The following ADAMTS20 variants were observed in gnomAD, a reference collection of about 807,000 sequenced individuals.
ADAMTS20 encodes the protein ADAM metallopeptidase with thrombospondin type 1 motif 20.
A neutral mutation model predicts 260.1 loss-of-function variants in ADAMTS20; 225 were observed. That is an observed-to-expected ratio of 0.87 (90% CI 0.78 to 0.97). ADAMTS20 has a LOEUF of 0.97. Among genes scored for constraint, ADAMTS20 ranks in the 50% least tolerant of loss-of-function variants. The pLI, the probability that ADAMTS20 is intolerant of heterozygous loss-of-function variation, is 0.00. For missense variants in ADAMTS20, 2,400 were observed against 2,337.7 expected (o/e 1.03, Z -0.55); for synonymous variants, 802 against 769.5 (o/e 1.04, Z -0.70).
Position 43,441,735 on chromosome 12 carries a change from T to C in ADAMTS20, c.2291-1666A>G, listed in dbSNP as rs7967761. The stretch of plus-strand genomic sequence containing the variant: ...GCTTAAGTTATACTTTTCAATGGAA[T>C]AATAACCTTTCCAGAAAACATTTGT... On this transcript the variant is annotated intron_variant, in intron 16 of 38. Transcript: ENST00000389420. Among the ~76,000 whole-genome samples the C allele has an allele frequency of 5.5e-3, 845 of 152,312 alleles. 6 individuals carry two copies. Among genetic ancestry groups the C allele is most frequent in the African/African-American group, 0.019 (797 of 41,564 alleles).
intron 28 of ADAMTS20, chr12:43,422,948 A>C (rs1380053091): frequency 6.6e-6 from 1 of 152,108 alleles, no homozygotes; most frequent in Non-Finnish European, 1.5e-5. Context: ...CATTTACATA[A>C]ACATTGCATG....
intron 3 of ADAMTS20, among the ~76,000 whole-genome samples, chr12:43,516,836 G>C (rs1339432818): frequency 6.6e-6 from 1 of 151,760 alleles, no homozygotes; most frequent in Non-Finnish European, 1.5e-5. Flanking sequence ...CTTGAACATA[G>C]ATGCAAAAAT....
intron 28 of ADAMTS20, among the ~76,000 whole-genome samples, chr12:43,408,379 C>A (rs757856751): frequency 1.3e-5 from 2 of 152,130 alleles, no homozygotes; most frequent in Non-Finnish European, 2.9e-5. Context: ...AAAATATTGT[C>A]TTTTAAGGCA....
Position 43,490,423 on chromosome 12 carries a change from A to G in ADAMTS20, c.1089T>C (p.Cys363=). The G allele has an allele frequency of 6.1e-6, 8 of 1,302,662 alleles. No homozygotes were observed. The highest frequency in any genetic ancestry group is 8.3e-6 in the Non-Finnish European group (8 of 965,634). The allele number at this position is 1,302,662 out of a possible 1,614,324, so 80.7% of individuals were successfully genotyped here. ...ACATGTTACATTTCTCTTTAGATGA[A>G]CAAATGTCTTCCCTTAAAATAAAAG... ...TAVLITREDI[C]SSKEKCNMLG... is the part of the protein sequence containing the mutation. The change falls in exon 7 of 39, where the codon TGT becomes TGC. Residue 363 remains cysteine (C), a synonymous_variant. Transcript: ENST00000389420.
chr12:43,401,414 C>T (rs1436259188), intron 28 of ADAMTS20, among the ~76,000 whole-genome samples: 2 of 151,868 alleles, frequency 1.3e-5, no homozygotes, highest in East Asian at 3.9e-4. Flanking sequence ...AGCTATGTAA[C>T]ATAAGAGGAG....
chr12:43,364,977 G>T (rs1414334471), intron 37 of ADAMTS20, among the ~76,000 whole-genome samples: 3 of 151,940 alleles, frequency 2.0e-5, no homozygotes. Flanking sequence ...TAAAGACATT[G>T]AAAGACAAAT....
intron 18 of ADAMTS20, among the ~76,000 whole-genome samples, chr12:43,435,212 C>T: frequency 6.6e-6 from 1 of 152,120 alleles, no homozygotes; most frequent in East Asian, 1.9e-4. Flanking sequence ...TCATCAATTG[C>T]ACAAATGTGC....
At chr12:43,493,492 CT>C (rs769098755) in intron 4 of ADAMTS20, among the ~76,000 whole-genome samples, 2 of 152,124 alleles carry the variant, frequency 1.3e-5, no homozygotes, top group Non-Finnish European at 2.9e-5. Context: ...TATCTTAAAC[CT>C]TGCTACTGAG....
At chr12:43,419,527 C>G (rs565375760) in intron 28 of ADAMTS20, among the ~76,000 whole-genome samples, 1 of 152,216 alleles carries the variant, frequency 6.6e-6, no homozygotes, top group East Asian at 1.9e-4. Flanking sequence ...TTGTAGAACA[C>G]TGACAACAAT....
intron 2 of ADAMTS20, among the ~76,000 whole-genome samples, chr12:43,535,321 C>CAGTTT (rs1379728553): frequency 1.3e-5 from 2 of 152,020 alleles, no homozygotes; most frequent in East Asian, 3.9e-4. Context: ...TTTGCAAGCT[C>CAGTTT]AGTTTATGTT....
chr12:43,450,862 A>T (rs1941852476), intron 14 of ADAMTS20, among the ~76,000 whole-genome samples: 1 of 152,186 alleles, frequency 6.6e-6, no homozygotes, highest in Non-Finnish European at 1.5e-5. Flanking sequence ...TCACATAGTT[A>T]TCATTTTTGT....
chr12:43,393,843 A>C (rs1400195257), intron 29 of ADAMTS20, among the ~76,000 whole-genome samples: 1 of 152,082 alleles, frequency 6.6e-6, no homozygotes, highest in Non-Finnish European at 1.5e-5. Context: ...ATAATGAATG[A>C]GTGACCATAA....
intron 11 of ADAMTS20, among the ~76,000 whole-genome samples, chr12:43,460,035 G>T (rs1039457825): frequency 3.3e-5 from 5 of 152,224 alleles, no homozygotes; most frequent in South Asian, 2.1e-4. Flanking sequence ...GAATAAAGAA[G>T]AATGTTAAGG....
At chr12:43,446,502 A>C in intron 15 of ADAMTS20, 93 bp downstream of exon 15, 1 of 972,016 alleles carries the variant, frequency 1.0e-6, no homozygotes, top group East Asian at 2.6e-5. Context: ...AGAGTAGACA[A>C]AACAGTAACA....
intron 7 of ADAMTS20, among the ~76,000 whole-genome samples, chr12:43,486,127 C>A (rs960894157): frequency 5.3e-5 from 8 of 152,000 alleles, no homozygotes; most frequent in Non-Finnish European, 1.0e-4. Context: ...CTAAGGCAAT[C>A]CTAAGCAAAA....
chr12:43,413,295 T>C (rs1941068412), intron 28 of ADAMTS20, among the ~76,000 whole-genome samples: 1 of 152,198 alleles, frequency 6.6e-6, no homozygotes, highest in Non-Finnish European at 1.5e-5. Flanking sequence ...AAATGTCTTC[T>C]GATTTTTTCT....
intron 8 of ADAMTS20, 59 bp downstream of exon 8, chr12:43,468,541 A>T: frequency 9.7e-7 from 1 of 1,035,592 alleles, no homozygotes; most frequent in Admixed American, 2.2e-5. Context: ...ATAGAATTTC[A>T]GGCATTCTGT....
chr12:43,379,694 A>T (rs531953248), intron 31 of ADAMTS20, among the ~76,000 whole-genome samples: 47 of 152,316 alleles, frequency 3.1e-4, no homozygotes, highest in African/African-American at 9.4e-4. Context: ...ATGGCCATGT[A>T]TGACAAACAA....
Position 43,452,310 on chromosome 12 carries a change from A to G in ADAMTS20, c.2043T>C (p.Thr681=), listed in dbSNP as rs1290502014. The G allele has an allele frequency of 1.2e-6, 2 of 1,612,964 alleles. No individual in the cohort carries two copies. The highest frequency in any genetic ancestry group is 1.7e-6 in the Non-Finnish European group (2 of 1,179,420). ...CTTGAACACAGATGTCATGAGTTTC[A>G]GTTCCACAAGGAGTACCATCTTCAA... ...DMVEDGTPCG[T]ETHDICVQGQ... The change falls in exon 14 of 39, where the codon ACT becomes ACC. Residue 681 remains threonine (T), a synonymous_variant. Coordinates refer to ENST00000389420, the MANE Select transcript of ADAMTS20 (RefSeq NM_025003.5).
Sources: gnomAD v4.1 joint callset for allele counts (sites outside exome capture counted in the v4.1 genomes callset) on GRCh38, gnomAD v4.1.1 for gene constraint, MANE v1.5 for transcripts, NCBI Gene and HGNC (gene_info 2026-07-23, HGNC 2026-07-21) for gene names.